The following SPAG16 variants were observed in gnomAD, a reference collection of about 807,000 sequenced individuals.
The protein encoded by SPAG16 is sperm associated antigen 16.
In SPAG16, 86 loss-of-function variants were observed where a neutral mutation model predicts 80.4. The observed-to-expected ratio is 1.07, with a 90% CI of 0.90 to 1.28. SPAG16 has a LOEUF of 1.28. SPAG16 is among the 50% of genes most tolerant of loss of function. SPAG16 has a pLI of 0.00. For missense variants in SPAG16, 870 were observed against 765.3 expected, an observed-to-expected ratio of 1.14 and a Z score of -1.61; for synonymous variants, 294 against 265.9, an observed-to-expected ratio of 1.11 and a Z score of -1.03.
intron 6 of SPAG16, among the ~76,000 whole-genome samples, chr2:213,349,343 A>G (rs1575308954): frequency 6.6e-6 from 1 of 152,188 alleles, no homozygotes; most frequent in African/African-American, 2.4e-5. Context: ...TAAAATAGCA[A>G]ATGGACAAAC....
At chr2:214,301,046 AAT>A (rs1327501929) in intron 15 of SPAG16, among the ~76,000 whole-genome samples, 1 of 147,658 alleles carries the variant, frequency 6.8e-6, no homozygotes, top group East Asian at 1.9e-4. Context: ...TAATAATAAT[AAT>A]AATAATAATA....
intron 12 of SPAG16, 33 bp from the exon 13 acceptor site, chr2:214,013,914 TACTA>T: frequency 1.2e-6 from 2 of 1,603,230 alleles, no homozygotes; most frequent in South Asian, 1.1e-5. Context: ...ACAGCATAGA[TACTA>T]ACTCCTAAAA....
intron 13 of SPAG16, among the ~76,000 whole-genome samples, chr2:214,048,744 G>C (rs1041242325): frequency 1.3e-5 from 2 of 152,122 alleles, no homozygotes; most frequent in African/African-American, 4.8e-5. Flanking sequence ...ATAAATGCTT[G>C]ATGTGATGGA....
chr2:213,629,824 C>T (rs1245090794), intron 10 of SPAG16, among the ~76,000 whole-genome samples: 1 of 152,178 alleles, frequency 6.6e-6, no homozygotes, highest in Non-Finnish European at 1.5e-5. Context: ...GCCTCGCTGT[C>T]TAATGTAAAG....
At chr2:213,367,133 T>C (rs1033362686) in intron 8 of SPAG16, among the ~76,000 whole-genome samples, 7 of 152,266 alleles carry the variant, frequency 4.6e-5, no homozygotes, top group Non-Finnish European at 7.4e-5. Flanking sequence ...TTTTTTATGG[T>C]TGCATAGTAT....
At chr2:213,996,542 G>A (rs1391282189) in intron 12 of SPAG16, among the ~76,000 whole-genome samples, 2 of 150,916 alleles carry the variant, frequency 1.3e-5, no homozygotes, top group African/African-American at 2.4e-5. Context: ...AAGTAATGAG[G>A]AAGCTCTCCT....
intron 10 of SPAG16, among the ~76,000 whole-genome samples, chr2:213,735,309 T>C (rs1377661416): frequency 3.9e-5 from 6 of 152,196 alleles, no homozygotes; most frequent in African/African-American, 1.4e-4. Flanking sequence ...AGTTCCTCAA[T>C]TTTCTCAATT....
intron 10 of SPAG16, among the ~76,000 whole-genome samples, chr2:213,687,790 A>C (rs1394139420): frequency 6.6e-6 from 1 of 152,208 alleles, no homozygotes. Context: ...GAGAGTATAT[A>C]GTTTTCCTCA....
intron 1 of SPAG16, among the ~76,000 whole-genome samples, chr2:213,287,605 A>C (rs901829311): frequency 6.6e-6 from 1 of 152,164 alleles, no homozygotes; most frequent in Non-Finnish European, 1.5e-5. Flanking sequence ...TGGGCATTCT[A>C]ATACTAAGGA....
chr2:213,576,623 C>A, intron 10 of SPAG16, among the ~76,000 whole-genome samples: 1 of 152,102 alleles, frequency 6.6e-6, no homozygotes, highest in South Asian at 2.1e-4. Flanking sequence ...TACATATACA[C>A]CATGGGATAC....
At chr2:214,251,430 C>T (rs1240123504) in intron 15 of SPAG16, among the ~76,000 whole-genome samples, 1 of 151,936 alleles carries the variant, frequency 6.6e-6, no homozygotes, top group Non-Finnish European at 1.5e-5. Flanking sequence ...ATGAATATTT[C>T]TTAAAAATCT....
intron 15 of SPAG16, among the ~76,000 whole-genome samples, chr2:214,365,311 T>C (rs1445450364): frequency 2.0e-5 from 3 of 152,172 alleles, no homozygotes; most frequent in Non-Finnish European, 2.9e-5. Context: ...CCTTTCCCTA[T>C]TAAGTGACTT....
chr2:213,580,984 T>G (rs1476257432), intron 10 of SPAG16, among the ~76,000 whole-genome samples: 2 of 152,098 alleles, frequency 1.3e-5, no homozygotes, highest in African/African-American at 4.8e-5. Context: ...GTTCCTGTTT[T>G]GCTTAATAAG....
intron 11 of SPAG16, among the ~76,000 whole-genome samples, chr2:213,874,331 TTTG>T (rs1446623536): frequency 2.0e-5 from 3 of 152,220 alleles, no homozygotes; most frequent in African/African-American, 7.2e-5. Context: ...TTTTGATTAT[TTTG>T]TTAACAGTTT....
intron 10 of SPAG16, among the ~76,000 whole-genome samples, chr2:213,655,840 C>A (rs1406225186): frequency 6.6e-6 from 1 of 152,164 alleles, no homozygotes; most frequent in African/African-American, 2.4e-5. Context: ...AATTGCATTG[C>A]AGCTAAGTTC....
rs765443060 is a variant in SPAG16, at chr2:213,537,619, G to GT, written c.1070+47534dup. On this transcript the variant is annotated intron_variant, in intron 10 of 15. Coordinates refer to ENST00000331683, the MANE Select transcript of SPAG16 (RefSeq NM_024532.5). ...ACATCTTCTTTCTCCACAGTCAGGT[G>GT]TTTTTGGTTTTTGATGTCTCTATTT... Among the ~76,000 whole-genome samples the GT allele has an allele frequency of 8.5e-5, 13 of 152,064 alleles. 1 individual carries two copies. Among genetic ancestry groups the GT allele is most frequent in the Non-Finnish European group, 1.5e-5 (1 of 68,000 alleles).
At chr2:213,562,591 G>A (rs1250917617) in intron 10 of SPAG16, among the ~76,000 whole-genome samples, 1 of 151,248 alleles carries the variant, frequency 6.6e-6, no homozygotes, top group African/African-American at 2.4e-5. Flanking sequence ...GAGGGCCAAT[G>A]TCATATTTAT....
At chr2:214,058,399 C>G (rs1159896301) in intron 13 of SPAG16, among the ~76,000 whole-genome samples, 2 of 152,110 alleles carry the variant, frequency 1.3e-5, no homozygotes, top group Non-Finnish European at 2.9e-5. Context: ...GCAAGCAGAA[C>G]ACATACAGCA....
At chr2:213,561,549 A>G (rs1356268915) in intron 10 of SPAG16, among the ~76,000 whole-genome samples, 2 of 152,134 alleles carry the variant, frequency 1.3e-5, no homozygotes, top group Non-Finnish European at 2.9e-5. Flanking sequence ...GTATACACCT[A>G]CTATGTACCC....
Sources: allele counts gnomAD v4.1 joint callset (sites outside exome capture counted in the v4.1 genomes callset), GRCh38; gene constraint gnomAD v4.1.1; transcripts MANE v1.5; gene names NCBI Gene and HGNC (gene_info 2026-07-23, HGNC 2026-07-21).